PLEKHH2: variants seen among roughly 807,000 people sequenced by gnomAD.
PLEKHH2 encodes the protein pleckstrin homology domain-containing family H member 2.
A neutral mutation model predicts 187.9 loss-of-function variants in PLEKHH2; 129 were observed. The observed-to-expected ratio is 0.69, with a 90% CI of 0.59 to 0.79. PLEKHH2 has a LOEUF of 0.79. Among genes scored for constraint, PLEKHH2 ranks in the 30% least tolerant of loss-of-function variants. The pLI is 0.00. For missense variants in PLEKHH2, 2,076 were observed against 1,751.2 expected (o/e 1.19, Z -3.31); for synonymous variants, 686 against 605.6 (o/e 1.13, Z -1.95).
At chr2:43,729,057 G>A (rs933296685) in intron 17 of PLEKHH2, among the ~76,000 whole-genome samples, 1 of 152,068 alleles carries the variant, frequency 6.6e-6, no homozygotes, top group African/African-American at 2.4e-5. Flanking sequence ...AGAATATCCT[G>A]CAGCCATTAA....
chr2:43,700,135 C>T lies in PLEKHH2; in HGVS notation c.1177C>T (p.Gln393Ter). 5 of 1,614,092 alleles carry T rather than the reference C, an allele frequency of 3.1e-6. No homozygotes were observed. Among genetic ancestry groups the T allele is most frequent in the Non-Finnish European group, 4.2e-6 (5 of 1,180,020 alleles). ...SDELNKKFQS[Q>*]RLDYSSSSSE... ...TGAACTGAATAAAAAATTTCAATCC[C>T]AGAGACTCGATTATTCATCTTCATC... The change falls in exon 8 of 30, where the codon CAG (glutamine) becomes TAG (stop). Residue 393 changes from glutamine (Q) to a stop codon, truncating the protein, a stop_gained. Transcript: ENST00000282406. LOFTEE classifies it high-confidence loss of function.
At chr2:43,688,964 C>G (rs1006307710) in intron 3 of PLEKHH2, among the ~76,000 whole-genome samples, 17 of 151,854 alleles carry the variant, frequency 1.1e-4, no homozygotes, top group Non-Finnish European at 5.9e-5. Context: ...CCAGCCCACC[C>G]AGAGGTCAAA....
At chr2:43,681,123 C>T in intron 3 of PLEKHH2, 1 of 900,874 alleles carries the variant, frequency 1.1e-6, no homozygotes, top group Non-Finnish European at 1.8e-6. Context: ...GTTGTGAAAC[C>T]AAGTCAAGGA....
intron 2 of PLEKHH2, among the ~76,000 whole-genome samples, chr2:43,676,988 T>C (rs1667835757): frequency 6.6e-6 from 1 of 152,184 alleles, no homozygotes; most frequent in Non-Finnish European, 1.5e-5. Context: ...GTTCTTAATA[T>C]ATGTTAATCC....
intron 1 of PLEKHH2, among the ~76,000 whole-genome samples, chr2:43,642,577 T>C (rs1299038543): frequency 2.0e-5 from 3 of 152,176 alleles, no homozygotes; most frequent in African/African-American, 7.2e-5. Flanking sequence ...TATCAGTAAG[T>C]ATGATGTTAG....
chr2:43,675,945 G>C, intron 2 of PLEKHH2: 3 of 1,613,980 alleles, frequency 1.9e-6, no homozygotes, highest in Non-Finnish European at 1.7e-6. Flanking sequence ...TTTCAAAGAC[G>C]TATTTGTAAG....
chr2:43,755,367 T>C (rs1481143829), intron 25 of PLEKHH2, among the ~76,000 whole-genome samples: 1 of 152,178 alleles, frequency 6.6e-6, no homozygotes, highest in African/African-American at 2.4e-5. Flanking sequence ...AGGGATGTTT[T>C]AGTCTGTTCT....
Position 43,765,604 on chromosome 2 carries a change from G to A in PLEKHH2, c.*6G>A, listed in dbSNP as rs989637478. The A allele has an allele frequency of 6.2e-7, 1 of 1,611,798 alleles. No homozygotes were observed. The highest frequency in any genetic ancestry group is 8.5e-7 in the Non-Finnish European group (1 of 1,179,170). On this transcript the variant is annotated 3_prime_UTR_variant, in exon 30 of 30. Transcript: ENST00000282406. ...AAGGCCCCACCTTACTCTGAAAGCT[G>A]GGGAGCCTGAACATTCACTCCTTGT...
At position 43,746,969 on chromosome 2, in the gene PLEKHH2, CA is replaced by C. The variant is rs571694640; in HGVS notation, c.3653+1018del. On this transcript the variant is annotated intron_variant, in intron 24 of 29. Coordinates refer to ENST00000282406, the MANE Select transcript of PLEKHH2 (RefSeq NM_172069.4). The stretch of plus-strand genomic sequence containing the variant: ...TGGACGACAAAGCGAGACTCTGTCT[CA>C]AAAAAAAAAAAGAGGAGATACCTAT... Among the ~76,000 whole-genome samples, 205 of 136,890 alleles carry C rather than the reference CA, an allele frequency of 1.5e-3. 1 individual carries two copies. The highest frequency in any genetic ancestry group is 3.7e-3 in the African/African-American group (140 of 37,508). The allele number at this position is 136,890 out of a possible 152,430, so 89.8% of individuals were successfully genotyped here. A position where few individuals can be genotyped will look rare whatever the true frequency, so the allele number is the denominator to read the frequency against.
chr2:43,727,410 CA>C (rs57973493), intron 17 of PLEKHH2, among the ~76,000 whole-genome samples: 35 of 114,756 alleles, frequency 3.0e-4, no homozygotes, highest in East Asian at 4.5e-4. Flanking sequence ...GACTCCGTCT[CA>C]AAAAAAAAAA....
At chr2:43,701,325 T>C (rs1220403001) in intron 8 of PLEKHH2, among the ~76,000 whole-genome samples, 1 of 152,192 alleles carries the variant, frequency 6.6e-6, no homozygotes. Flanking sequence ...TGCCAGGCTC[T>C]GCATGCCCAG....
At chr2:43,715,659 G>T (rs1345035931) in intron 15 of PLEKHH2, among the ~76,000 whole-genome samples, 2 of 152,174 alleles carry the variant, frequency 1.3e-5, no homozygotes, top group African/African-American at 2.4e-5. Context: ...TTTGGGGTTA[G>T]GAAGTAGAAG....
chr2:43,671,803 A>C (rs569269478), intron 2 of PLEKHH2, among the ~76,000 whole-genome samples: 12 of 152,302 alleles, frequency 7.9e-5, no homozygotes, highest in South Asian at 6.2e-4. Flanking sequence ...GATAAACCCC[A>C]CTTAGCCATG....
chr2:43,689,816 C>A (rs4952996), intron 3 of PLEKHH2, among the ~76,000 whole-genome samples: 1 of 152,114 alleles, frequency 6.6e-6, no homozygotes, highest in African/African-American at 2.4e-5. Context: ...TTCACTCATA[C>A]AATAACAACT....
chr2:43,650,658 T>A (rs1666423278), intron 2 of PLEKHH2, among the ~76,000 whole-genome samples: 1 of 151,962 alleles, frequency 6.6e-6, no homozygotes, highest in Middle Eastern at 3.4e-3. Context: ...TTCTTTTTTT[T>A]TTTTTAAGTT....
At chr2:43,746,679 TC>T (rs367976621) in intron 24 of PLEKHH2, among the ~76,000 whole-genome samples, 410 of 152,262 alleles carry the variant, frequency 2.7e-3, no homozygotes, top group African/African-American at 9.4e-3. Context: ...ACTGAATACT[TC>T]AATACCCTAC....
intron 2 of PLEKHH2, among the ~76,000 whole-genome samples, chr2:43,649,794 G>A (rs1448456886): frequency 3.3e-5 from 5 of 152,304 alleles, no homozygotes; most frequent in South Asian, 2.1e-4. Context: ...GTCTGTGGGG[G>A]AAAAGTCAGG....
At chr2:43,687,044 A>G (rs1377917433) in intron 3 of PLEKHH2, among the ~76,000 whole-genome samples, 1 of 152,138 alleles carries the variant, frequency 6.6e-6, no homozygotes, top group East Asian at 1.9e-4. Flanking sequence ...CAGGTTTGCT[A>G]CATGGTTATA....
At chr2:43,684,133 T>C (rs1668376212) in intron 3 of PLEKHH2, among the ~76,000 whole-genome samples, 1 of 152,166 alleles carries the variant, frequency 6.6e-6, no homozygotes, top group Non-Finnish European at 1.5e-5. Flanking sequence ...CTGTGTATCC[T>C]CTTCTATAGT....
Sources: allele counts gnomAD v4.1 joint callset (sites outside exome capture counted in the v4.1 genomes callset), GRCh38; gene constraint gnomAD v4.1.1; transcripts MANE v1.5; gene names NCBI Gene and HGNC (gene_info 2026-07-23, HGNC 2026-07-21).